Variants in PTPRD observed in about 807,000 individuals in gnomAD.
The protein encoded by PTPRD is protein tyrosine phosphatase receptor type D.
In PTPRD, 34 loss-of-function variants were observed where a neutral mutation model predicts 214.5. The ratio of observed to expected loss-of-function variants is 0.16; its 90% CI spans 0.12 to 0.21. The LOEUF (loss-of-function observed/expected upper bound fraction) is 0.21. Ranked by LOEUF, PTPRD falls within the 10% of genes least tolerant of loss-of-function variation. PTPRD has a pLI of 1.00. For missense variants in PTPRD, 2,545 were observed against 2,398.7 expected (o/e 1.06, Z -1.27); for synonymous variants, 1,128 against 845.7 (o/e 1.33, Z -5.79).
chr9:9,765,827 A>T (rs1291145568), intron 6 of PTPRD, among the ~76,000 whole-genome samples: 4 of 149,442 alleles, frequency 2.7e-5, no homozygotes, highest in African/African-American at 4.9e-5. Context: ...CCCCTGGCTA[A>T]TTTTTTTTTT....
chr9:8,335,498 TAAG>T (rs1443182144), intron 43 of PTPRD, among the ~76,000 whole-genome samples: 3 of 152,004 alleles, frequency 2.0e-5, no homozygotes, highest in African/African-American at 7.3e-5. Flanking sequence ...TATCTCAAAA[TAAG>T]AAGAGCTATT....
At chr9:9,175,183 C>A (rs1295734940) in intron 10 of PTPRD, among the ~76,000 whole-genome samples, 1 of 152,070 alleles carries the variant, frequency 6.6e-6, no homozygotes, top group African/African-American at 2.4e-5. Context: ...CTTATAGCAG[C>A]CAAAGTGAAC....
At chr9:10,039,396 C>G (rs558794110) in intron 3 of PTPRD, among the ~76,000 whole-genome samples, 1 of 151,862 alleles carries the variant, frequency 6.6e-6, no homozygotes, top group Non-Finnish European at 1.5e-5. Flanking sequence ...GAAAAAGGAC[C>G]TATATGAGTT....
At position 9,045,773 on chromosome 9, in the gene PTPRD, T is replaced by C. The variant is rs147213541; in HGVS notation, c.-142-27038A>G. On this transcript the variant is annotated intron_variant, in intron 10 of 45. Coordinates refer to ENST00000381196, the MANE Select transcript of PTPRD (RefSeq NM_002839.4). ...CACCAGCTGTTGGGTCCTGGAAACA[T>C]TTTATGTTAAGGAGGAAAAAAAAGT... 3.4e-3 allele frequency among the ~76,000 whole-genome samples: 511 copies of C among 152,256 alleles called. 1 individual carries two copies. Among genetic ancestry groups the C allele is most frequent in the African/African-American group, 0.011 (463 of 41,544 alleles).
intron 11 of PTPRD, among the ~76,000 whole-genome samples, chr9:8,902,200 G>C (rs566993603): frequency 6.6e-6 from 1 of 152,204 alleles, no homozygotes; most frequent in East Asian, 1.9e-4. Context: ...ACTGTCATGT[G>C]ACAGAAACTG....
intron 2 of PTPRD, among the ~76,000 whole-genome samples, chr9:10,380,761 C>T (rs895300385): frequency 7.4e-6 from 1 of 135,234 alleles, no homozygotes; most frequent in Non-Finnish European, 1.6e-5. Flanking sequence ...CCCTTGTCAT[C>T]CCAGCTCAAA....
chr9:9,512,299 G>C (rs2096727975), intron 8 of PTPRD, among the ~76,000 whole-genome samples: 1 of 151,782 alleles, frequency 6.6e-6, no homozygotes, highest in African/African-American at 2.4e-5. Flanking sequence ...TTGAGCAGGT[G>C]ATTATTTCTA....
chr9:8,783,115 G>A (rs1354397071), intron 11 of PTPRD, among the ~76,000 whole-genome samples: 1 of 152,048 alleles, frequency 6.6e-6, no homozygotes, highest in African/African-American at 2.4e-5. Flanking sequence ...AACATGACCA[G>A]AATATTAAAC....
chr9:8,384,199 C>G (rs866766716), intron 37 of PTPRD, among the ~76,000 whole-genome samples: 1 of 152,118 alleles, frequency 6.6e-6, no homozygotes, highest in Non-Finnish European at 1.5e-5. Flanking sequence ...CAGCTGTATA[C>G]ATTTTACTTT....
intron 2 of PTPRD, among the ~76,000 whole-genome samples, chr9:10,504,067 G>T (rs994147971): frequency 1.6e-5 from 2 of 127,978 alleles, no homozygotes; most frequent in Non-Finnish European, 3.1e-5. Flanking sequence ...AGTGAGCCGA[G>T]ATCGCGCCAC....
At chr9:9,775,616 C>T (rs1245686851) in intron 5 of PTPRD, among the ~76,000 whole-genome samples, 2 of 152,128 alleles carry the variant, frequency 1.3e-5, no homozygotes, top group East Asian at 3.9e-4. Flanking sequence ...TTCATCCAAT[C>T]TCCCTTTCAT....
intron 3 of PTPRD, among the ~76,000 whole-genome samples, chr9:10,139,675 TA>T (rs1669763481): frequency 6.6e-6 from 1 of 151,954 alleles, no homozygotes; most frequent in Admixed American, 6.6e-5. Context: ...ATCACAAGGC[TA>T]GGACAAAAAC....
intron 3 of PTPRD, among the ~76,000 whole-genome samples, chr9:10,276,111 C>T (rs1457107816): frequency 6.6e-6 from 1 of 152,158 alleles, no homozygotes; most frequent in Non-Finnish European, 1.5e-5. Flanking sequence ...ACAACAATGC[C>T]ATCTGGACAG....
At chr9:8,906,554 A>G (rs1401373651) in intron 11 of PTPRD, among the ~76,000 whole-genome samples, 1 of 152,224 alleles carries the variant, frequency 6.6e-6, no homozygotes, top group Non-Finnish European at 1.5e-5. Flanking sequence ...TTAAAAATTA[A>G]GACATCATCC....
At chr9:9,900,641 G>GTTTTTTTTTTTGTTTTGTT (rs367877727) in intron 5 of PTPRD, among the ~76,000 whole-genome samples, 2 of 120,086 alleles carry the variant, frequency 1.7e-5, no homozygotes, top group African/African-American at 6.2e-5. Flanking sequence ...ACATTTTCAG[G>GTTTTTTTTTTTGTTTTGTT]TTTTTTTTTT....
In PTPRD at chr9:8,985,412, T is replaced by C. The variant is rs187533134; in HGVS notation, c.-104+33285A>G. ...AATTATTGAATAACCACGACCAACA[T>C]AGATCCATTAATACAGGTTGTAATA... On this transcript the variant is annotated intron_variant, in intron 11 of 45. Coordinates refer to ENST00000381196, the MANE Select transcript of PTPRD (RefSeq NM_002839.4). 2.6e-5 allele frequency among the ~76,000 whole-genome samples: 4 copies of C among 152,170 alleles called. 1 individual carries two copies. In the East Asian group the frequency reaches 7.7e-4, roughly 29 times the overall value.
intron 2 of PTPRD, among the ~76,000 whole-genome samples, chr9:10,433,451 T>C (rs111438626): frequency 3.9e-5 from 6 of 152,112 alleles, no homozygotes; most frequent in African/African-American, 1.4e-4. Flanking sequence ...CTATCCTCAT[T>C]GCTCAATTTC....
chr9:9,965,293 G>T lies in PTPRD; in HGVS notation c.-471-26683C>A, dbSNP rs996896917. Among the ~76,000 whole-genome samples the T allele has an allele frequency of 3.3e-5, 5 of 152,168 alleles. 1 individual carries two copies. Among genetic ancestry groups the T allele is most frequent in the Admixed American group, 2.0e-4 (3 of 15,270 alleles). On this transcript the variant is annotated intron_variant, in intron 4 of 45. Transcript: ENST00000381196. The stretch of plus-strand genomic sequence containing the variant: ...GATGCAGCAGGTAGATTTAAGAGGA[G>T]CAACAGGCAAGGCTTCTAAGAAGAA...
intron 11 of PTPRD, among the ~76,000 whole-genome samples, chr9:8,893,623 G>C (rs969792185): frequency 6.6e-6 from 1 of 152,190 alleles, no homozygotes; most frequent in Non-Finnish European, 1.5e-5. Context: ...GAGCACTTTG[G>C]CACAATGTGG....
Sources: allele counts gnomAD v4.1 joint callset (sites outside exome capture counted in the v4.1 genomes callset), GRCh38; gene constraint gnomAD v4.1.1; transcripts MANE v1.5; gene names NCBI Gene and HGNC (gene_info 2026-07-23, HGNC 2026-07-21).